The following TRIP11 variants were observed in gnomAD, a reference collection of about 807,000 sequenced individuals.
TRIP11 encodes the protein thyroid receptor-interacting protein 11.
A neutral mutation model predicts 223.1 loss-of-function variants in TRIP11; 148 were observed. The observed-to-expected ratio is 0.66, with a 90% CI of 0.58 to 0.76. TRIP11 has a LOEUF of 0.76. TRIP11 is among the 30% of genes least tolerant of loss of function. TRIP11 has a pLI of 0.00. For synonymous variants in TRIP11, 762 were observed against 772.6 expected (o/e 0.99, Z 0.23); for missense variants, 2,043 against 2,222.0 (o/e 0.92, Z 1.62).
chr14:92,004,963 C>G lies in TRIP11; in HGVS notation c.3013G>C (p.Glu1005Gln). The G allele has an allele frequency of 6.2e-7, 1 of 1,613,798 alleles. No homozygotes were observed. The highest frequency in any genetic ancestry group is 8.5e-7 in the Non-Finnish European group (1 of 1,179,990). ...QETKVQSLNI[E>Q]NGSEKHDLSK... Reference sequence around the variant, plus strand: ...AAATCATGCTTTTCACTTCCATTTTCTATATTAAGGCTCTGAACTTTTGTT... The same window carrying G: ...AAATCATGCTTTTCACTTCCATTTTGTATATTAAGGCTCTGAACTTTTGTT... The change falls in exon 11 of 21, where the codon GAA becomes CAA. Residue 1005 changes from glutamate to glutamine, a missense_variant. Physicochemically the swap from Glu to Gln is conservative, Grantham distance 29. Transcript: ENST00000267622.
intron 16 of TRIP11, among the ~76,000 whole-genome samples, chr14:91,976,974 C>T (rs960602204): frequency 2.6e-5 from 4 of 152,214 alleles, no homozygotes; most frequent in Admixed American, 2.6e-4. Flanking sequence ...ACAGAGTTTA[C>T]ACCTGTTCTG....
At position 91,974,661 on chromosome 14, in the gene TRIP11, G is replaced by C. The variant is rs762240075; in HGVS notation, c.5540C>G (p.Pro1847Arg). The stretch of plus-strand genomic sequence containing the variant: ...CACAGATTGCTGATTTGGTCTCAAA[G>C]GTGTGTTGGGAACACTTTTTGATCC... ...GGGSKSVPNTPLRPNQQSVVN... is the reference protein window; with the variant it reads ...GGGSKSVPNTRLRPNQQSVVN... Residue 1847 changes from proline (P) to arginine (R), a missense_variant, in exon 19 of 21, where the codon CCT becomes CGT. Transcript: ENST00000267622. 1.2e-6 allele frequency: 2 copies of C among 1,612,452 alleles called. No homozygotes were observed. The highest frequency in any genetic ancestry group is 8.5e-7 in the Non-Finnish European group (1 of 1,179,932).
At chr14:92,002,831 T>C (rs952877155) in intron 11 of TRIP11, among the ~76,000 whole-genome samples, 1 of 152,144 alleles carries the variant, frequency 6.6e-6, no homozygotes, top group Admixed American at 6.5e-5. Context: ...TCCACCCACC[T>C]TGGCCTCCCA....
At chr14:92,014,679 A>C (rs1192618776) in intron 6 of TRIP11, 102 bp from the exon 7 acceptor site, 5 of 1,297,848 alleles carry the variant, frequency 3.9e-6, no homozygotes, top group Non-Finnish European at 5.2e-6. Flanking sequence ...AGAATTTGGA[A>C]AGCTTAAAAG....
rs369595815 is a variant in TRIP11 at position 91,989,238 on chromosome 14, C to T, written c.5161-855G>A. 1.3e-4 allele frequency among the ~76,000 whole-genome samples: 20 copies of T among 152,098 alleles called. No individual in the cohort carries two copies. The East Asian group carries it at 1.5e-3, about 12-fold the overall frequency. ...CCTTGCCCAATAAATGCCATCTATC[C>T]CCAGATAATCAGCACCACTCCCAGT... On this transcript the variant is annotated intron_variant, in intron 15 of 20. Transcript: ENST00000267622.
intron 2 of TRIP11, among the ~76,000 whole-genome samples, chr14:92,028,128 T>C (rs1403618497): frequency 6.6e-6 from 1 of 152,246 alleles, no homozygotes; most frequent in Non-Finnish European, 1.5e-5. Flanking sequence ...AAAAGTTCAC[T>C]TCAGGTTTTT....
At chr14:92,013,112 C>T (rs755860282) in intron 7 of TRIP11, among the ~76,000 whole-genome samples, 2 of 151,994 alleles carry the variant, frequency 1.3e-5, no homozygotes, top group Non-Finnish European at 2.9e-5. Flanking sequence ...ACTAAAAATA[C>T]AAAAATTAGC....
intron 8 of TRIP11, 80 bp from the exon 9 acceptor site, chr14:92,011,152 G>A (rs1056940012): frequency 3.1e-5 from 39 of 1,242,972 alleles, no homozygotes; most frequent in Admixed American, 5.3e-5. Context: ...ATACAATTGT[G>A]TGTTTCTATT....
chr14:91,972,803 G>A lies in TRIP11; in HGVS notation c.5633C>T (p.Pro1878Leu). 1 of 1,613,116 alleles carries A rather than the reference G, an allele frequency of 6.2e-7. No homozygotes were observed. The highest frequency in any genetic ancestry group is 8.5e-7 in the Non-Finnish European group (1 of 1,179,552). The change falls in exon 20 of 21, where the codon CCA becomes CTA. Residue 1878 changes from proline (P) to leucine (L), a missense_variant. Coordinates refer to ENST00000267622, the MANE Select transcript of TRIP11 (RefSeq NM_004239.4). ...LETESHPSIP[P>L]PKLSVHDMKP... ...CATATCATGAACAGAAAGCTTTGGT[G>A]GTGGAATGGATGGATGAGATTCTGT...
chr14:91,973,842 T>C (rs2056429548), intron 19 of TRIP11, among the ~76,000 whole-genome samples: 1 of 151,998 alleles, frequency 6.6e-6, no homozygotes, highest in South Asian at 2.1e-4. Context: ...CTGGCCAACA[T>C]GGTGAAACCC....
rs1340296737 is a variant in TRIP11 at position 92,006,374 on chromosome 14, T to C, written c.1602A>G (p.Gln534=). The C allele has an allele frequency of 3.7e-6, 6 of 1,612,770 alleles. No homozygotes were observed. Among genetic ancestry groups the C allele is most frequent in the African/African-American group, 1.3e-5 (1 of 74,902 alleles). The change falls in exon 11 of 21, where the codon CAA becomes CAG. Residue 534 remains glutamine, a synonymous_variant. Coordinates refer to ENST00000267622, the MANE Select transcript of TRIP11 (RefSeq NM_004239.4). ...CTCTCTTTTTTTCATCATTTAGATCTTGTTTCAGTTTACTGATGATGCTAT... is the reference window on the plus strand; with the variant it reads ...CTCTCTTTTTTTCATCATTTAGATCCTGTTTCAGTTTACTGATGATGCTAT... ...EGDSIISKLK[Q]DLNDEKKRVH...
chr14:92,031,698 G>C (rs2057267129), intron 2 of TRIP11, among the ~76,000 whole-genome samples: 1 of 152,034 alleles, frequency 6.6e-6, no homozygotes, highest in Non-Finnish European at 1.5e-5. Flanking sequence ...TACAATTAAG[G>C]GTTAAAAAGC....
intron 8 of TRIP11, 121 bp from the exon 9 acceptor site, chr14:92,011,193 T>A (rs746787872): frequency 9.7e-6 from 9 of 932,170 alleles, no homozygotes; most frequent in African/African-American, 3.3e-5. Context: ...GTAGTAATTA[T>A]AAGAATGCAA....
chr14:92,039,718 C>G lies in TRIP11; in HGVS notation c.-33G>C. The G allele has an allele frequency of 6.2e-7, 1 of 1,601,834 alleles. No individual in the cohort carries two copies. Among genetic ancestry groups the G allele is most frequent in the Non-Finnish European group, 8.5e-7 (1 of 1,174,204 alleles). ...AGTTTAGAGAACGACCCGGTCCGCT[C>G]GGAAAAAAGAAAACGTTTAGCGCCG... On this transcript the variant is annotated 5_prime_UTR_variant, in exon 1 of 21. Coordinates refer to ENST00000267622, the MANE Select transcript of TRIP11 (RefSeq NM_004239.4).
intron 2 of TRIP11, chr14:92,026,796 A>G: frequency 7.8e-7 from 1 of 1,279,516 alleles, no homozygotes; most frequent in Non-Finnish European, 1.1e-6. Context: ...GAAGATGAGG[A>G]AGCTGAGTCA....
intron 2 of TRIP11, among the ~76,000 whole-genome samples, chr14:92,029,302 T>G (rs1478048824): frequency 1.9e-5 from 2 of 103,236 alleles, no homozygotes; most frequent in Non-Finnish European, 4.4e-5. Flanking sequence ...TTTTTTTTTT[T>G]TTTTTTTTTT....
In TRIP11 at chr14:92,005,988, T is replaced by TG. The variant is rs2140119519; in HGVS notation, c.1987dup (p.Gln663ProfsTer4). The stretch of plus-strand genomic sequence containing the variant: ...AACTTTCTTTAAATTTTCATTGAGC[T>TG]GTTCTAATTCTGAAAGATTTTGCTT... On this transcript the variant is annotated frameshift_variant, in exon 11 of 21. Coordinates refer to ENST00000267622, the MANE Select transcript of TRIP11 (RefSeq NM_004239.4). LOFTEE classifies it high-confidence loss of function. 6.2e-7 allele frequency: 1 copy of TG among 1,611,032 alleles called. No homozygotes were observed. Among genetic ancestry groups the TG allele is most frequent in the African/African-American group, 1.3e-5 (1 of 74,764 alleles).
intron 5 of TRIP11, among the ~76,000 whole-genome samples, chr14:92,016,067 C>G (rs1200411227): frequency 2.0e-5 from 3 of 152,178 alleles, no homozygotes; most frequent in African/African-American, 7.2e-5. Context: ...AACAGTTTTT[C>G]TACTTCTAAT....
At position 92,021,669 on chromosome 14, in the gene TRIP11, C is replaced by T. The variant is rs1253047833; in HGVS notation, c.475G>A (p.Asp159Asn). 1 of 1,614,130 alleles carries T rather than the reference C, an allele frequency of 6.2e-7. No homozygotes were observed. The highest frequency in any genetic ancestry group is 8.5e-7 in the Non-Finnish European group (1 of 1,180,024). The change falls in exon 4 of 21, where the codon GAC becomes AAC. Residue 159 changes from aspartate to asparagine, a missense_variant. Asp to Asn is a conservative substitution (Grantham distance 23). Transcript: ENST00000267622. Reference sequence around the variant, plus strand: ...ATATCACCAAAGTCCATGTCATCGTCATGGAAAGCTGAAGGATGATGACTA... The same window carrying T: ...ATATCACCAAAGTCCATGTCATCGTTATGGAAAGCTGAAGGATGATGACTA... ...GISHHPSAFH[D>N]DDMDFGDIIS...
Sources: allele counts gnomAD v4.1 joint callset (sites outside exome capture counted in the v4.1 genomes callset), GRCh38; gene constraint gnomAD v4.1.1; transcripts MANE v1.5; gene names NCBI Gene and HGNC (gene_info 2026-07-23, HGNC 2026-07-21).